ANKRD28: variants seen among roughly 807,000 people sequenced by gnomAD.
ANKRD28 encodes the protein ankyrin repeat domain 28.
ANKRD28 carries 44 observed loss-of-function variants against 126.5 expected under a neutral mutation model. The observed-to-expected ratio is 0.35, with a 90% CI of 0.27 to 0.45. The LOEUF is 0.45. ANKRD28 is among the 20% of genes least tolerant of loss of function. The probability of loss-of-function intolerance (pLI) is 1.00; values close to 1 mark genes in which losing one functional copy is unlikely to be tolerated. For missense variants in ANKRD28, 1,110 were observed against 1,316.6 expected (o/e 0.84, Z 2.43); for synonymous variants, 442 against 468.5 (o/e 0.94, Z 0.73).
At chr3:15,675,792 G>C (rs1006317511) in intron 27 of ANKRD28, 106 bp downstream of exon 27, 3 of 939,086 alleles carry the variant, frequency 3.2e-6, no homozygotes, top group Non-Finnish European at 4.5e-6. Flanking sequence ...ATTAACTTTA[G>C]CTCTCCTCTT....
chr3:15,777,888 A>T (rs1559515137), intron 2 of ANKRD28, among the ~76,000 whole-genome samples: 1 of 140,580 alleles, frequency 7.1e-6, no homozygotes, highest in Non-Finnish European at 1.6e-5. Context: ...ACACACACAC[A>T]CACACACACA....
chr3:15,853,464 GGTTTTTTTT>G lies in ANKRD28; in HGVS notation c.27+5904_27+5912del, dbSNP rs900444764. Among the ~76,000 whole-genome samples the G allele has an allele frequency of 7.6e-4, 116 of 151,902 alleles. No individual in the cohort carries two copies. The highest frequency in any genetic ancestry group is 2.8e-3 in the African/African-American group (116 of 41,448). ...TTAACTACCATAATCAATGTTTTATGGTTTTTTTTGTTTTTTTGTTTTTGAGATGGAGTC... is the reference window on the plus strand; with the variant it reads ...TTAACTACCATAATCAATGTTTTATGGTTTTTTTGTTTTTGAGATGGAGTC... On this transcript the variant is annotated intron_variant, in intron 1 of 27. Transcript: ENST00000399451. The surrounding 1 kb of genome is among the most constrained non-coding windows in gnomAD (Gnocchi z 4.2).
In ANKRD28 at chr3:15,797,520, T is replaced by C. The variant is rs1370903426; in HGVS notation, c.-999A>G. 5 of 985,118 alleles carry C rather than the reference T, an allele frequency of 5.1e-6. No individual in the cohort carries two copies. Among genetic ancestry groups the C allele is most frequent in the Non-Finnish European group, 6.0e-6 (5 of 829,900 alleles). The allele number at this position is 985,118 out of a possible 1,614,324, so 61.0% of individuals were successfully genotyped here. ...AGGCTGTGAAGGAATTAGAAGGCAT[T>C]TGAGCTCAAATTACTGCTTCAGGCT... is the stretch of plus-strand genomic sequence containing the variant. On this transcript the variant is annotated 5_prime_UTR_variant, in exon 1 of 28. Coordinates refer to ENST00000683139, the MANE Select transcript of ANKRD28 (RefSeq NM_001349278.2).
chr3:15,757,253 T>C (rs2058212092), intron 3 of ANKRD28, among the ~76,000 whole-genome samples: 1 of 152,166 alleles, frequency 6.6e-6, no homozygotes, highest in Admixed American at 6.5e-5. Context: ...AGGCTATTAG[T>C]AGTTTTTAGG....
At position 15,707,400 on chromosome 3, in the gene ANKRD28, C is replaced by G. The variant is rs558253063; in HGVS notation, c.1547+524G>C. On this transcript the variant is annotated intron_variant, in intron 14 of 27. Transcript: ENST00000683139. ...GGCCAACATTTACTTATTCTGCCAT[C>G]TAATTTACCTATTTAAGCAACATGT... Among the ~76,000 whole-genome samples, 120 of 152,314 alleles carry G rather than the reference C, an allele frequency of 7.9e-4. 1 individual carries two copies. In the South Asian group the frequency reaches 0.025, roughly 32 times the overall value.
In ANKRD28 at chr3:15,745,721, A is replaced by G. The variant is rs112432153; in HGVS notation, c.351+6029T>C. ...CTTTTTGGTTCCATATGAATTTCAG[A>G]ATTTTTTTTTTCTAATTCTGTGAAG... On this transcript the variant is annotated intron_variant, in intron 4 of 27. Transcript: ENST00000683139. Among the ~76,000 whole-genome samples the G allele has an allele frequency of 3.9e-3, 549 of 140,700 alleles. 7 individuals are homozygous for G. Among genetic ancestry groups the G allele is most frequent in the African/African-American group, 0.013 (530 of 40,816 alleles). 92.3% of individuals were successfully genotyped at this position (140,700 alleles called of 152,430 possible).
chr3:15,804,186 A>G (rs1236557881), intron 1 of ANKRD28, among the ~76,000 whole-genome samples: 1 of 139,434 alleles, frequency 7.2e-6, no homozygotes, highest in African/African-American at 2.6e-5. Flanking sequence ...TAAATAGGGC[A>G]TTATGTCATA....
intron 7 of ANKRD28, among the ~76,000 whole-genome samples, chr3:15,722,738 T>C (rs944303922): frequency 6.6e-6 from 1 of 152,140 alleles, no homozygotes; most frequent in African/African-American, 2.4e-5. Flanking sequence ...AAGTTAACAC[T>C]TAATTTTAAT....
At position 15,796,903 on chromosome 3, in the gene ANKRD28, T is replaced by C; in HGVS notation, c.-382A>G. ...TGCACAAAACAATCATTGTTTTTGG[T>C]GACACAACACCACACAATATAGAAT... On this transcript the variant is annotated 5_prime_UTR_variant, in exon 1 of 28. Coordinates refer to ENST00000683139, the MANE Select transcript of ANKRD28 (RefSeq NM_001349278.2). The C allele has an allele frequency of 1.0e-6, 1 of 987,778 alleles. No homozygotes were observed. The highest frequency in any genetic ancestry group is 1.2e-6 in the Non-Finnish European group (1 of 831,476). 61.2% of individuals were successfully genotyped at this position (987,778 alleles called of 1,614,324 possible). A position where few individuals can be genotyped will look rare whatever the true frequency, so the allele number is the denominator to read the frequency against.
chr3:15,847,081 A>G (rs1432765691), intron 1 of ANKRD28, among the ~76,000 whole-genome samples: 1 of 152,196 alleles, frequency 6.6e-6, no homozygotes, highest in Non-Finnish European at 1.5e-5. Context: ...CCAGAAGATC[A>G]TCATTCAGCA....
chr3:15,849,755 A>G (rs1419572191), intron 1 of ANKRD28, among the ~76,000 whole-genome samples: 2 of 152,164 alleles, frequency 1.3e-5, no homozygotes, highest in African/African-American at 2.4e-5. Context: ...TCTTTGTTCT[A>G]TCATTTTTCC....
intron 4 of ANKRD28, among the ~76,000 whole-genome samples, chr3:15,743,079 C>T (rs1231798797): frequency 6.6e-6 from 1 of 152,066 alleles, no homozygotes; most frequent in African/African-American, 2.4e-5. Flanking sequence ...ACCCTACCCC[C>T]AACCCTGTGC....
intron 1 of ANKRD28, among the ~76,000 whole-genome samples, chr3:15,795,555 T>C (rs1453283133): frequency 2.0e-5 from 3 of 152,104 alleles, no homozygotes; most frequent in Non-Finnish European, 2.9e-5. Context: ...CAAAATCAGA[T>C]TTTATTTCTT....
At chr3:15,712,337 A>C (rs1290852320) in intron 10 of ANKRD28, 115 bp from the exon 11 acceptor site, 1 of 799,496 alleles carries the variant, frequency 1.3e-6, no homozygotes, top group African/African-American at 1.7e-5. Context: ...CAAAATGTCT[A>C]ACACTTCGGA....
chr3:15,759,664 T>G (rs1181781038), intron 3 of ANKRD28, among the ~76,000 whole-genome samples: 1 of 152,200 alleles, frequency 6.6e-6, no homozygotes, highest in East Asian at 1.9e-4. Flanking sequence ...AGAGATACCA[T>G]CTTCAATACA....
intron 1 of ANKRD28, among the ~76,000 whole-genome samples, chr3:15,852,426 T>C (rs1171465742): frequency 6.6e-6 from 1 of 152,246 alleles, no homozygotes; most frequent in Non-Finnish European, 1.5e-5. Context: ...ATTTTAACTG[T>C]CTTGTGCTAG....
upstream of ANKRD28, among the ~76,000 whole-genome samples, chr3:15,802,381 T>A (rs1232229963): frequency 6.6e-6 from 1 of 152,168 alleles, no homozygotes; most frequent in African/African-American, 2.4e-5. Context: ...GACTTTTATG[T>A]TAGAGAGAAA....
At chr3:15,706,382 T>G (rs1174996734) in intron 14 of ANKRD28, among the ~76,000 whole-genome samples, 1 of 151,318 alleles carries the variant, frequency 6.6e-6, no homozygotes, top group Non-Finnish European at 1.5e-5. Flanking sequence ...AGAATGATGT[T>G]TCCAGCTTCA....
At chr3:15,801,295 T>C (rs1293959910), upstream of ANKRD28, among the ~76,000 whole-genome samples, 1 of 152,178 alleles carries the variant, frequency 6.6e-6, no homozygotes, top group Non-Finnish European at 1.5e-5. The surrounding 1 kb of genome is among the most constrained non-coding windows in gnomAD (Gnocchi z 4.9). Context: ...AAGATAATTT[T>C]TGGGTTCCTA....
Sources: allele counts gnomAD v4.1 joint callset (sites outside exome capture counted in the v4.1 genomes callset), GRCh38; gene constraint gnomAD v4.1.1; non-coding constraint Gnocchi (gnomAD v3.1); transcripts MANE v1.5; gene names NCBI Gene and HGNC (gene_info 2026-07-23, HGNC 2026-07-21).